Variants in ZNF236 observed in about 807,000 individuals in gnomAD.
ZNF236 encodes regulated by glucose.
ZNF236 carries 50 observed loss-of-function variants against 191.2 expected under a neutral mutation model. That is an observed-to-expected ratio of 0.26 (90% CI 0.21 to 0.33). The LOEUF (loss-of-function observed/expected upper bound fraction) is 0.33, where lower values mean the gene tolerates loss of function less well. ZNF236 is among the 10% of genes least tolerant of loss of function. The probability of loss-of-function intolerance (pLI) is 1.00; values close to 1 mark genes in which losing one functional copy is unlikely to be tolerated. For missense variants in ZNF236, 1,754 were observed against 2,374.5 expected, an observed-to-expected ratio of 0.74 and a Z score of 5.43; for synonymous variants, 907 against 928.8, an observed-to-expected ratio of 0.98 and a Z score of 0.43.
intron 3 of ZNF236, among the ~76,000 whole-genome samples, chr18:76,866,820 G>A (rs951813944): frequency 5.3e-5 from 8 of 152,124 alleles, no homozygotes; most frequent in Admixed American, 1.3e-4. Flanking sequence ...TTGCCAGGGC[G>A]CGCAGGGGGA....
intron 1 of ZNF236, among the ~76,000 whole-genome samples, chr18:76,842,025 CCATTAT>C (rs1272193549): frequency 1.3e-5 from 2 of 152,052 alleles, no homozygotes; most frequent in Non-Finnish European, 2.9e-5. Flanking sequence ...ATCTCAGAAG[CCATTAT>C]CTTAAGAGGA....
chr18:76,878,722 A>G (rs1203155820), intron 7 of ZNF236, among the ~76,000 whole-genome samples: 4 of 152,138 alleles, frequency 2.6e-5, no homozygotes, highest in Admixed American at 6.5e-5. Flanking sequence ...TACCCTCTCA[A>G]CAGATTAATA....
In ZNF236 at chr18:76,972,206, A is replaced by G. The variant is rs775939245; in HGVS notation, c.*3867A>G. The stretch of plus-strand genomic sequence containing the variant: ...ACCTTTCCCATATTCTAATGAAAAG[A>G]TCGTACGCCAAAGGCCACTGAGCTG... On this transcript the variant is annotated 3_prime_UTR_variant, in exon 31 of 31. Transcript: ENST00000320610. Among the ~76,000 whole-genome samples the G allele has an allele frequency of 2.0e-5, 3 of 152,254 alleles. No homozygotes were observed. Among genetic ancestry groups the G allele is most frequent in the Non-Finnish European group, 4.4e-5 (3 of 68,048 alleles).
At chr18:76,823,704 C>T (rs1309205030) in intron 1 of ZNF236, among the ~76,000 whole-genome samples, 2 of 152,256 alleles carry the variant, frequency 1.3e-5, no homozygotes, top group Admixed American at 6.5e-5. Context: ...CTGGCCCTTC[C>T]AGCAGTCAGG....
At chr18:76,903,885 C>G (rs1977668926) in intron 11 of ZNF236, among the ~76,000 whole-genome samples, 2 of 149,100 alleles carry the variant, frequency 1.3e-5, no homozygotes, top group South Asian at 4.3e-4. Flanking sequence ...AACAAAAGAT[C>G]ATGTTAGAGT....
At chr18:76,846,818 G>A (rs1372807131) in intron 1 of ZNF236, among the ~76,000 whole-genome samples, 2 of 148,508 alleles carry the variant, frequency 1.3e-5, no homozygotes, top group African/African-American at 2.5e-5. Context: ...TTTTTGAGAC[G>A]GAGCCTCCCT....
chr18:76,832,014 TTAAA>T (rs2122398876), intron 1 of ZNF236, among the ~76,000 whole-genome samples: 1 of 152,362 alleles, frequency 6.6e-6, no homozygotes, highest in African/African-American at 2.4e-5. Flanking sequence ...TCGGATCTAT[TTAAA>T]TAATATTTGA....
At chr18:76,937,070 C>T (rs1454694261) in intron 25 of ZNF236, 86 bp from the exon 26 acceptor site, 19 of 1,264,888 alleles carry the variant, frequency 1.5e-5, no homozygotes, top group Non-Finnish European at 2.1e-5. Context: ...CTGCTTCCTG[C>T]AGGTGGGAGC....
intron 3 of ZNF236, among the ~76,000 whole-genome samples, chr18:76,864,669 A>G (rs555168145): frequency 6.6e-6 from 1 of 150,732 alleles, no homozygotes; most frequent in Admixed American, 6.7e-5. Flanking sequence ...AGCAGAAATT[A>G]TCATCTAGTG....
chr18:76,959,840 G>C, intron 29 of ZNF236, 24 bp downstream of exon 29: 2 of 1,608,994 alleles, frequency 1.2e-6, no homozygotes, highest in Non-Finnish European at 1.7e-6. Context: ...ACGTGCTTTT[G>C]TTTCCTTACT....
chr18:76,915,932 CGTGA>C (rs1468857392), intron 19 of ZNF236, 73 bp downstream of exon 19: 57 of 1,440,678 alleles, frequency 4.0e-5, no homozygotes, highest in African/African-American at 1.3e-4. Context: ...CACAAATCAC[CGTGA>C]GTATTTTGAC....
Position 76,837,419 on chromosome 18 carries a change from TTTTTTC to T in ZNF236, c.56-12089_56-12084del, listed in dbSNP as rs1304674386. ...GTATGAAGTGAAGGTCTGAATTCCT[TTTTTTC>T]TTTTTCTTTTTCTTTTTTTTTTTTT... On this transcript the variant is annotated intron_variant, in intron 1 of 30. Coordinates refer to ENST00000320610, the MANE Select transcript of ZNF236 (RefSeq NM_001306089.2). Among the ~76,000 whole-genome samples, 42 of 150,042 alleles carry T rather than the reference TTTTTTC, an allele frequency of 2.8e-4. 1 individual carries two copies. Among genetic ancestry groups the T allele is most frequent in the Admixed American group, 2.4e-3 (36 of 15,068 alleles).
At chr18:76,967,715 AGGTGGTGGTGTGCTCT>A (rs1968819131) in intron 30 of ZNF236, among the ~76,000 whole-genome samples, 1 of 67,386 alleles carries the variant, frequency 1.5e-5, no homozygotes, top group African/African-American at 5.5e-5. Flanking sequence ...TTGGTGTTGG[AGGTGGTGGTGTGCTCT>A]GTGAGGCTTG....
chr18:76,939,200 G>C (rs1968071733), intron 26 of ZNF236, among the ~76,000 whole-genome samples: 1 of 152,138 alleles, frequency 6.6e-6, no homozygotes, highest in Non-Finnish European at 1.5e-5. Flanking sequence ...AGGCATGGTG[G>C]TGGGTGCCTG....
At chr18:76,941,009 T>G (rs1486895395) in intron 26 of ZNF236, among the ~76,000 whole-genome samples, 1 of 152,214 alleles carries the variant, frequency 6.6e-6, no homozygotes, top group Non-Finnish European at 1.5e-5. Flanking sequence ...AGCTAATGCC[T>G]GATGATCTGA....
chr18:76,949,389 G>A (rs1286164960), intron 27 of ZNF236, among the ~76,000 whole-genome samples: 3 of 152,092 alleles, frequency 2.0e-5, no homozygotes, highest in South Asian at 4.1e-4. Context: ...CCATTAGATG[G>A]AAATGAGAGA....
intron 1 of ZNF236, among the ~76,000 whole-genome samples, chr18:76,832,820 C>G (rs1040722936): frequency 9.9e-5 from 15 of 152,018 alleles, no homozygotes; most frequent in Non-Finnish European, 2.1e-4. Context: ...GTGGGTGGAA[C>G]TAATGTCTTT....
intron 30 of ZNF236, among the ~76,000 whole-genome samples, chr18:76,964,421 A>C (rs1968728198): frequency 6.6e-6 from 1 of 152,182 alleles, no homozygotes; most frequent in African/African-American, 2.4e-5. Flanking sequence ...GTGGTCTGAG[A>C]GAGAGCTTGA....
chr18:76,838,383 A>C (rs1046229995), intron 1 of ZNF236, among the ~76,000 whole-genome samples: 1 of 152,228 alleles, frequency 6.6e-6, no homozygotes. Context: ...TAATGCCTTT[A>C]TCTCTCAGAG....
Sources: gnomAD v4.1 joint callset for allele counts (sites outside exome capture counted in the v4.1 genomes callset) on GRCh38, gnomAD v4.1.1 for gene constraint, MANE v1.5 for transcripts, NCBI Gene and HGNC (gene_info 2026-07-23, HGNC 2026-07-21) for gene names.